Variants in PCDH15 observed in about 807,000 individuals in gnomAD.
PCDH15 encodes the protein protocadherin-15.
In PCDH15, 129 loss-of-function variants were observed where a neutral mutation model predicts 178.5. The observed-to-expected ratio is 0.72, with a 90% CI of 0.63 to 0.84. PCDH15 has a LOEUF of 0.84. Among genes scored for constraint, PCDH15 ranks in the 40% least tolerant of loss-of-function variants. The pLI is 0.00. For synonymous variants in PCDH15, 800 were observed against 732.0 expected (o/e 1.09, Z -1.50); for missense variants, 2,230 against 2,099.9 (o/e 1.06, Z -1.21).
intron 2 of PCDH15, among the ~76,000 whole-genome samples, chr10:55,464,446 C>A (rs1839785104): frequency 6.6e-6 from 1 of 151,722 alleles, no homozygotes; most frequent in Admixed American, 6.6e-5. Flanking sequence ...CCCCAGAGCA[C>A]CTGAGCAACA....
intron 11 of PCDH15, among the ~76,000 whole-genome samples, chr10:54,192,721 A>G (rs1203418611): frequency 1.3e-5 from 2 of 152,180 alleles, no homozygotes; most frequent in East Asian, 1.9e-4. Context: ...ACACCTAATG[A>G]CAGTCACTCA....
intron 2 of PCDH15, among the ~76,000 whole-genome samples, chr10:55,159,775 C>G (rs1051229996): frequency 2.0e-5 from 3 of 146,736 alleles, no homozygotes; most frequent in African/African-American, 7.4e-5. Context: ...TGTGTAAGTA[C>G]ATATTAAGAG....
chr10:53,868,864 G>A (rs1187827920), intron 26 of PCDH15, among the ~76,000 whole-genome samples: 1 of 152,096 alleles, frequency 6.6e-6, no homozygotes, highest in Admixed American at 6.6e-5. Context: ...CTGTCACCCA[G>A]GCTGGAGTGC....
intron 1 of PCDH15, among the ~76,000 whole-genome samples, chr10:55,214,538 TG>T (rs1840652129): frequency 1.3e-5 from 2 of 151,208 alleles, no homozygotes; most frequent in Non-Finnish European, 2.9e-5. Context: ...TTAAATTCCT[TG>T]TTATCTGGTA....
intron 2 of PCDH15, among the ~76,000 whole-genome samples, chr10:55,112,616 G>T (rs1040894349): frequency 6.6e-6 from 1 of 152,126 alleles, no homozygotes; most frequent in Non-Finnish European, 1.5e-5. Context: ...AAACCAGTAA[G>T]GCGCAGTTCT....
intron 2 of PCDH15, among the ~76,000 whole-genome samples, chr10:54,935,030 T>A (rs1681792463): frequency 7.1e-6 from 1 of 140,000 alleles, no homozygotes; most frequent in South Asian, 2.2e-4. Flanking sequence ...AACTGAACAA[T>A]GAGAACACAT....
At chr10:54,938,496 A>G (rs1346415283) in intron 2 of PCDH15, among the ~76,000 whole-genome samples, 1 of 152,080 alleles carries the variant, frequency 6.6e-6, no homozygotes, top group East Asian at 1.9e-4. Context: ...GTTGGGGAGA[A>G]TTGGTATTAA....
At chr10:55,051,148 T>C (rs571705343) in intron 2 of PCDH15, among the ~76,000 whole-genome samples, 2 of 152,180 alleles carry the variant, frequency 1.3e-5, no homozygotes, top group South Asian at 4.1e-4. Flanking sequence ...TGATTGAGGG[T>C]CACCTTTCAT....
intron 1 of PCDH15, among the ~76,000 whole-genome samples, chr10:55,309,143 G>A (rs142117867): frequency 6.6e-6 from 1 of 152,092 alleles, no homozygotes; most frequent in Admixed American, 6.5e-5. Context: ...TACAATGGCT[G>A]CTCTTTTAGC....
In PCDH15 at chr10:54,977,913, A is replaced by C. The variant is rs537461088; in HGVS notation, c.-79-80413T>G. On this transcript the variant is annotated intron_variant, in intron 2 of 5. Transcript: ENST00000458638. ...AGCACATGTTAACTAACATAAGGAC[A>C]TTCAGATAGAATAATTATCAGAAGG... Among the ~76,000 whole-genome samples the C allele has an allele frequency of 5.9e-5, 9 of 152,320 alleles. No homozygotes were observed. The East Asian group carries it at 1.5e-3, about 26-fold the overall frequency.
intron 3 of PCDH15, among the ~76,000 whole-genome samples, chr10:54,414,203 C>T (rs1463756113): frequency 1.3e-5 from 2 of 152,016 alleles, no homozygotes; most frequent in African/African-American, 2.4e-5. Flanking sequence ...CCTAGAAGGC[C>T]AAAAACTGAA....
intron 2 of PCDH15, among the ~76,000 whole-genome samples, chr10:54,603,063 C>A (rs563846803): frequency 6.6e-6 from 1 of 152,170 alleles, no homozygotes; most frequent in South Asian, 2.1e-4. Context: ...AATTCTCCCA[C>A]AAAGCCATGC....
intron 2 of PCDH15, among the ~76,000 whole-genome samples, chr10:54,930,392 A>C (rs1261266404): frequency 2.0e-5 from 3 of 151,916 alleles, no homozygotes; most frequent in Non-Finnish European, 4.4e-5. Context: ...AGACAGAGCT[A>C]TTCTCTTCCC....
At chr10:55,353,198 A>G (rs903524250) in intron 2 of PCDH15, among the ~76,000 whole-genome samples, 15 of 152,252 alleles carry the variant, frequency 9.9e-5, no homozygotes, top group African/African-American at 3.1e-4. Flanking sequence ...GCTTCCCAAG[A>G]GGTCGTCAAA....
At chr10:53,825,231 A>G in intron 32 of PCDH15, 1 of 1,411,220 alleles carries the variant, frequency 7.1e-7, no homozygotes, top group Non-Finnish European at 9.3e-7. Context: ...TGAAAATATG[A>G]GCAGGAACTT....
chr10:54,168,526 G>C (rs1411780328), intron 13 of PCDH15, among the ~76,000 whole-genome samples: 2 of 152,128 alleles, frequency 1.3e-5, no homozygotes, highest in Non-Finnish European at 2.9e-5. Context: ...CCTCACACCT[G>C]GTCGGGCTTA....
intron 2 of PCDH15, among the ~76,000 whole-genome samples, chr10:55,033,392 C>A (rs1412439156): frequency 6.6e-6 from 1 of 152,112 alleles, no homozygotes; most frequent in Non-Finnish European, 1.5e-5. Context: ...GCATTTGGGG[C>A]CCAACCTTAC....
chr10:54,452,479 C>T (rs2076540700), intron 3 of PCDH15: 1 of 152,008 alleles, frequency 6.6e-6, no homozygotes, highest in Non-Finnish European at 1.5e-5. Flanking sequence ...TTCTTGAATT[C>T]TTCCAATTTT....
At chr10:54,592,502 C>T (rs2091949766) in intron 2 of PCDH15, among the ~76,000 whole-genome samples, 1 of 152,008 alleles carries the variant, frequency 6.6e-6, no homozygotes, top group Non-Finnish European at 1.5e-5. Flanking sequence ...TCCATCACAT[C>T]CATAATGTAA....
Sources: gnomAD v4.1 joint callset for allele counts (sites outside exome capture counted in the v4.1 genomes callset) on GRCh38, gnomAD v4.1.1 for gene constraint, MANE v1.5 for transcripts, NCBI Gene and HGNC (gene_info 2026-07-23, HGNC 2026-07-21) for gene names.